OR4D1: variants seen among roughly 807,000 people sequenced by gnomAD.
OR4D1 encodes the protein olfactory receptor family 4 subfamily D member 1.
Under a neutral mutation model 14.2 loss-of-function variants are expected in OR4D1, and 10 were observed. The ratio of observed to expected loss-of-function variants is 0.71; its 90% confidence interval spans 0.44 to 1.20. The LOEUF (loss-of-function observed/expected upper bound fraction) is 1.20, where lower values mean the gene tolerates loss of function less well. Among genes scored for constraint, OR4D1 ranks in the 50% most tolerant of loss-of-function variants. The pLI, the probability that OR4D1 is intolerant of heterozygous loss-of-function variation, is 0.00. For synonymous variants in OR4D1, 141 were observed against 147.4 expected (o/e 0.96, Z 0.32); for missense variants, 345 against 376.6 (o/e 0.92, Z 0.70).
chr17:58,152,076 ATATTT>A (rs1475754510), intron 2 of OR4D1, among the ~76,000 whole-genome samples: 1 of 152,192 alleles, frequency 6.6e-6, no homozygotes, highest in Admixed American at 6.5e-5. Flanking sequence ...GTTCCTTATT[ATATTT>A]TATCTTTAAC....
chr17:58,150,896 C>T lies in OR4D1; in HGVS notation c.-127+1100C>T, dbSNP rs1309325685. ...GTCTTTCGCCCCGACAGTGCTCATG[C>T]TAAGAAGTTTTTCAGCTCTTACCTT... is the stretch of plus-strand genomic sequence containing the variant. On this transcript the variant is annotated intron_variant, in intron 2 of 3. Coordinates refer to ENST00000268912, the MANE Select transcript of OR4D1 (RefSeq NM_001386095.1). Among the ~76,000 whole-genome samples, 5 of 152,256 alleles carry T rather than the reference C, an allele frequency of 3.3e-5. No individual in the cohort carries two copies. In the East Asian group the frequency reaches 9.6e-4, roughly 29 times the overall value.
rs1487432517 is a variant in OR4D1, at chr17:58,155,654, C to T, written c.501C>T (p.Pro167=). ...IVQLALILPL[P]FCGPNILDNF... ...AACTGGCTCTGATACTTCCACTGCC[C>T]TTCTGTGGCCCCAATATCCTAGATA... The change falls in exon 4 of 4, where the codon CCC becomes CCT. Residue 167 remains proline (P), a synonymous_variant. Transcript: ENST00000268912. 1 of 1,614,146 alleles carries T rather than the reference C, an allele frequency of 6.2e-7. No homozygotes were observed.
Position 58,155,123 on chromosome 17 carries a change from GT to G in OR4D1, c.-19-9del, listed in dbSNP as rs1967748933. On this transcript the variant is annotated splice_polypyrimidine_tract_variant and intron_variant, in intron 3 of 3. Coordinates refer to ENST00000268912, the MANE Select transcript of OR4D1 (RefSeq NM_001386095.1). Reference sequence around the variant, plus strand: ...TTTTGTTTGTTTGTTTGTTTCAATGGTTTCTCTGTAGGAACGTGGGGGAAGA... The same window carrying G: ...TTTTGTTTGTTTGTTTGTTTCAATGGTTCTCTGTAGGAACGTGGGGGAAGA... 6.7e-7 allele frequency: 1 copy of G among 1,489,584 alleles called. No individual in the cohort carries two copies. The highest frequency in any genetic ancestry group is 2.0e-5 in the Admixed American group (1 of 51,202). The allele number at this position is 1,489,584 out of a possible 1,614,324, so 92.3% of individuals were successfully genotyped here. A position where few individuals can be genotyped will look rare whatever the true frequency, so the allele number is the denominator to read the frequency against.
chr17:58,155,953 T>A lies in OR4D1; in HGVS notation c.800T>A (p.Met267Lys). The A allele has an allele frequency of 6.2e-7, 1 of 1,614,018 alleles. No homozygotes were observed. Among genetic ancestry groups the A allele is most frequent in the Non-Finnish European group, 8.5e-7 (1 of 1,179,950 alleles). ...IYTWPFTPFLMDKAVSISYTV... is the reference protein window; with the variant it reads ...IYTWPFTPFLKDKAVSISYTV... ...ACCTGGCCCTTCACCCCATTCCTCA[T>A]GGACAAGGCTGTGTCCATCAGCTAC... Residue 267 changes from methionine to lysine, a missense_variant, in exon 4 of 4, where the codon ATG becomes AAG. By Grantham distance (95) the Met-to-Lys change is moderately conservative. Coordinates refer to ENST00000268912, the MANE Select transcript of OR4D1 (RefSeq NM_001386095.1).
Position 58,157,566 on chromosome 17 carries a change from T to G in OR4D1, c.*1480T>G, listed in dbSNP as rs56207505. 7.4e-3 allele frequency: 11,662 copies of G among 1,582,470 alleles called. 719 individuals are homozygous for G. The African/African-American group carries it at 0.14, about 18-fold the overall frequency. On this transcript the variant is annotated 3_prime_UTR_variant, in exon 4 of 4. Coordinates refer to ENST00000268912, the MANE Select transcript of OR4D1 (RefSeq NM_001386095.1). ...CTCACGGAGACTCAGGTCAAAATCTTGTTCCAGAACCGAAGGGCCAAGACG... is the reference window on the plus strand; with the variant it reads ...CTCACGGAGACTCAGGTCAAAATCTGGTTCCAGAACCGAAGGGCCAAGACG...
intron 2 of OR4D1, among the ~76,000 whole-genome samples, chr17:58,150,172 T>C (rs1170234790): frequency 3.3e-5 from 5 of 152,210 alleles, no homozygotes; most frequent in African/African-American, 1.2e-4. Context: ...AAGTGGCAGA[T>C]GGACCTGGAA....
Position 58,156,062 on chromosome 17 carries a change from G to A in OR4D1, c.909G>A (p.Lys303=), listed in dbSNP as rs1473637217. Residue 303 remains lysine, a synonymous_variant, in exon 4 of 4, where the codon AAG becomes AAA. Transcript: ENST00000268912. ...AAGCAGCCATGAGGAGATTAGGCAA[G>A]TGCCTAGTAATTTGCAGGGAGTAAA... ...DMKAAMRRLG[K]CLVICRE 3.1e-6 allele frequency: 5 copies of A among 1,609,572 alleles called. No individual in the cohort carries two copies. The South Asian group carries it at 5.5e-5, about 18-fold the overall frequency.
In OR4D1 at chr17:58,157,152, C is replaced by G. The variant is rs974203861; in HGVS notation, c.*1066C>G. 297 of 1,461,002 alleles carry G rather than the reference C, an allele frequency of 2.0e-4. 1 individual carries two copies. Among genetic ancestry groups the G allele is most frequent in the Non-Finnish European group, 4.1e-5 (45 of 1,101,882 alleles). The allele number at this position is 1,461,002 out of a possible 1,614,324, so 90.5% of individuals were successfully genotyped here. ...CAGCCTGCCCTACAGTGTGGATGCG[C>G]TCGTGTCGGACAAGAAGCCGCCCAA... On this transcript the variant is annotated 3_prime_UTR_variant, in exon 4 of 4. Coordinates refer to ENST00000268912, the MANE Select transcript of OR4D1 (RefSeq NM_001386095.1).
rs1001055668 is a variant in OR4D1, at chr17:58,158,557, G to A, written c.*2471G>A. On this transcript the variant is annotated 3_prime_UTR_variant, in exon 4 of 4. Transcript: ENST00000268912. ...AATCCTGAGAATGCCTGGAGGTGAG[G>A]TAGAAAATTAGAAATACTTCCTAAT... The A allele has an allele frequency of 4.7e-5, 7 of 147,870 alleles. No individual in the cohort carries two copies. The highest frequency in any genetic ancestry group is 1.0e-4 in the Non-Finnish European group (7 of 67,260). The allele number at this position is 147,870 out of a possible 1,614,324, so 9.2% of individuals were successfully genotyped here. A position where few individuals can be genotyped will look rare whatever the true frequency, so the allele number is the denominator to read the frequency against.
chr17:58,150,261 G>A (rs963347584), intron 2 of OR4D1, among the ~76,000 whole-genome samples: 3 of 152,092 alleles, frequency 2.0e-5, no homozygotes, highest in Non-Finnish European at 4.4e-5. Context: ...ACAATAAAGA[G>A]CCATGGAAAA....
Position 58,157,175 on chromosome 17 carries a change from C to T in OR4D1, c.*1089C>T. 1 of 1,462,414 alleles carries T rather than the reference C, an allele frequency of 6.8e-7. No homozygotes were observed. Among genetic ancestry groups the T allele is most frequent in the Non-Finnish European group, 9.1e-7 (1 of 1,103,602 alleles). 90.6% of individuals were successfully genotyped at this position (1,462,414 alleles called of 1,614,324 possible). On this transcript the variant is annotated 3_prime_UTR_variant, in exon 4 of 4. Transcript: ENST00000268912. ...CGCTCGTGTCGGACAAGAAGCCGCCCAAGGAGGCATCCCCAGTGCCGGCCA... is the reference window on the plus strand; with the variant it reads ...CGCTCGTGTCGGACAAGAAGCCGCCTAAGGAGGCATCCCCAGTGCCGGCCA...
chr17:58,157,736 G>T lies in OR4D1; in HGVS notation c.*1650G>T. ...AGCATCCTACCCGTTCCATAGACCT[G>T]TGCTTCCCATCCCGCCCGTGGGACT... On this transcript the variant is annotated 3_prime_UTR_variant, in exon 4 of 4. Transcript: ENST00000268912. 6.2e-7 allele frequency: 1 copy of T among 1,613,640 alleles called. No individual in the cohort carries two copies.
In OR4D1 at chr17:58,155,146, A is replaced by G; in HGVS notation, c.-8A>G. 2 of 1,591,884 alleles carry G rather than the reference A, an allele frequency of 1.3e-6. No homozygotes were observed. The highest frequency in any genetic ancestry group is 8.6e-7 in the Non-Finnish European group (1 of 1,165,798). On this transcript the variant is annotated 5_prime_UTR_variant, in exon 4 of 4. Coordinates refer to ENST00000268912, the MANE Select transcript of OR4D1 (RefSeq NM_001386095.1). ...TGGTTTCTCTGTAGGAACGTGGGGGAAGATCCTATGGAACCACAGAACACC... is the reference window on the plus strand; with the variant it reads ...TGGTTTCTCTGTAGGAACGTGGGGGGAGATCCTATGGAACCACAGAACACC...
intron 3 of OR4D1, among the ~76,000 whole-genome samples, chr17:58,154,386 C>T (rs772731747): frequency 2.0e-5 from 3 of 150,844 alleles, no homozygotes; most frequent in East Asian, 3.9e-4. Flanking sequence ...ATAGAAAATT[C>T]GCATAAATTT....
intron 3 of OR4D1, 34 bp from the exon 4 acceptor site, chr17:58,155,101 T>C: frequency 6.1e-6 from 4 of 652,364 alleles, no homozygotes; most frequent in Non-Finnish European, 8.3e-6. Flanking sequence ...TCATTTTTTT[T>C]GTTTGTTTGT....
At position 58,155,173 on chromosome 17, in the gene OR4D1, C is replaced by T; in HGVS notation, c.20C>T (p.Thr7Ile). The T allele has an allele frequency of 6.2e-7, 1 of 1,613,578 alleles. No homozygotes were observed. Among genetic ancestry groups the T allele is most frequent in the Non-Finnish European group, 8.5e-7 (1 of 1,179,556 alleles). Residue 7 changes from threonine (T) to isoleucine (I), a missense_variant, in exon 4 of 4, where the codon ACA becomes ATA. Transcript: ENST00000268912. ...GATCCTATGGAACCACAGAACACCA[C>T]ACAGGTATCAATGTTTGTCCTCTTA... MEPQNT[T>I]QVSMFVLLGF...
At position 58,159,298 on chromosome 17, in the gene OR4D1, T is replaced by A. The variant is rs567307711; in HGVS notation, c.*3212T>A. 1.6e-4 allele frequency: 25 copies of A among 152,238 alleles called. No individual in the cohort carries two copies. The highest frequency in any genetic ancestry group is 3.1e-4 in the Non-Finnish European group (21 of 68,038). 9.4% of individuals were successfully genotyped at this position (152,238 alleles called of 1,614,324 possible). ...TGAAATTTAATGTTCAGTGTGATGG[T>A]GTTAAGAGGCGAAGCCTTTAAGAGG... On this transcript the variant is annotated 3_prime_UTR_variant, in exon 4 of 4. Coordinates refer to ENST00000268912, the MANE Select transcript of OR4D1 (RefSeq NM_001386095.1).
rs1272215648 is a variant in OR4D1, at chr17:58,157,912, T to G, written c.*1826T>G. On this transcript the variant is annotated 3_prime_UTR_variant, in exon 4 of 4. Transcript: ENST00000268912. ...ATACTCCTGTTCTGCAAACCCTGAG[T>G]GCACCACCCTAAGCGGCTAGGCCGG... The G allele has an allele frequency of 9.1e-7, 1 of 1,100,970 alleles. No homozygotes were observed. Among genetic ancestry groups the G allele is most frequent in the Admixed American group, 1.8e-5 (1 of 56,208 alleles). The allele number at this position is 1,100,970 out of a possible 1,614,324, so 68.2% of individuals were successfully genotyped here.
intron 3 of OR4D1, among the ~76,000 whole-genome samples, chr17:58,154,538 G>C (rs1339778140): frequency 1.3e-5 from 2 of 152,106 alleles, no homozygotes; most frequent in Non-Finnish European, 2.9e-5. Flanking sequence ...AATCATCCCA[G>C]CTTCGCTACA....
Sources: gnomAD v4.1 joint callset for allele counts (sites outside exome capture counted in the v4.1 genomes callset) on GRCh38, gnomAD v4.1.1 for gene constraint, MANE v1.5 for transcripts, NCBI Gene and HGNC (gene_info 2026-07-23, HGNC 2026-07-21) for gene names.